Variants in ARHGEF38 observed in about 807,000 individuals in gnomAD.
The protein encoded by ARHGEF38 is Rho guanine nucleotide exchange factor 38, also known as Rho guanine nucleotide exchange factor (GEF) 38.
In ARHGEF38, 79 loss-of-function variants were observed where a neutral mutation model predicts 79.9. That is an observed-to-expected ratio of 0.99 (90% confidence interval 0.82 to 1.19). The LOEUF (loss-of-function observed/expected upper bound fraction) is 1.19. Among genes scored for constraint, ARHGEF38 ranks in the 50% most tolerant of loss-of-function variants. The pLI is 0.00. For missense variants in ARHGEF38, 962 were observed against 907.2 expected (o/e 1.06, Z -0.78); for synonymous variants, 366 against 328.3 (o/e 1.11, Z -1.24).
At chr4:105,590,074 A>AAG (rs1727255275) in intron 2 of ARHGEF38, among the ~76,000 whole-genome samples, 13 of 109,488 alleles carry the variant, frequency 1.2e-4, no homozygotes, top group Admixed American at 4.2e-4. Context: ...AAAGAAAGAA[A>AAG]GAAGGAAGGA....
At chr4:105,667,801 A>G (rs771029931) in intron 13 of ARHGEF38, 98 bp downstream of exon 13, 57 of 1,395,848 alleles carry the variant, frequency 4.1e-5, no homozygotes, top group Non-Finnish European at 5.4e-5. Flanking sequence ...GAAAAGTGCC[A>G]GCTTTGACAT....
intron 2 of ARHGEF38, among the ~76,000 whole-genome samples, chr4:105,597,013 C>T (rs957144543): frequency 1.3e-5 from 2 of 152,172 alleles, no homozygotes; most frequent in African/African-American, 2.4e-5. Flanking sequence ...TCTGAATACT[C>T]TCACCACCCT....
chr4:105,649,226 A>G (rs1729988976), intron 7 of ARHGEF38, among the ~76,000 whole-genome samples: 2 of 152,166 alleles, frequency 1.3e-5, no homozygotes, highest in African/African-American at 4.8e-5. Flanking sequence ...ATTAGTGAGT[A>G]ACAGTCCTGT....
intron 1 of ARHGEF38, among the ~76,000 whole-genome samples, chr4:105,555,859 C>G (rs1408624390): frequency 1.3e-5 from 2 of 152,148 alleles, no homozygotes; most frequent in Non-Finnish European, 2.9e-5. Flanking sequence ...CCTAGTCTAT[C>G]TGTTCAATTC....
At chr4:105,655,046 G>A (rs1483517243) in intron 8 of ARHGEF38, among the ~76,000 whole-genome samples, 2 of 151,998 alleles carry the variant, frequency 1.3e-5, no homozygotes, top group Admixed American at 6.6e-5. Flanking sequence ...TTTACAATCC[G>A]GTTTGCTATT....
At chr4:105,582,038 G>A (rs575482220) in intron 1 of ARHGEF38, among the ~76,000 whole-genome samples, 172 of 151,758 alleles carry the variant, frequency 1.1e-3, no homozygotes, top group African/African-American at 3.5e-3. Flanking sequence ...GGTGGCGGGC[G>A]CCTGTAATCC....
At chr4:105,605,342 G>A (rs572880105) in intron 2 of ARHGEF38, among the ~76,000 whole-genome samples, 9 of 151,854 alleles carry the variant, frequency 5.9e-5, no homozygotes, top group African/African-American at 1.9e-4. Context: ...GGGACTTCTC[G>A]AGTTTGAACC....
At chr4:105,599,647 A>T (rs561110612) in intron 2 of ARHGEF38, among the ~76,000 whole-genome samples, 1 of 152,306 alleles carries the variant, frequency 6.6e-6, no homozygotes, top group East Asian at 1.9e-4. Context: ...ATGTTGAGAC[A>T]GCTTTATTCA....
chr4:105,677,716 TC>T, intron 13 of ARHGEF38, 35 bp from the exon 14 acceptor site: 1 of 1,375,668 alleles, frequency 7.3e-7, no homozygotes, highest in Non-Finnish European at 9.5e-7. Context: ...ATATTCAGGT[TC>T]CAATTCCAAT....
At chr4:105,628,339 C>T (rs1578326063) in intron 3 of ARHGEF38, among the ~76,000 whole-genome samples, 1 of 152,140 alleles carries the variant, frequency 6.6e-6, no homozygotes, top group East Asian at 1.9e-4. Flanking sequence ...TGCTGCTGAG[C>T]GTCCAGCTAA....
intron 2 of ARHGEF38, among the ~76,000 whole-genome samples, chr4:105,606,713 A>G (rs1278394635): frequency 6.6e-6 from 1 of 152,084 alleles, no homozygotes; most frequent in African/African-American, 2.4e-5. Flanking sequence ...CAATTGAGGA[A>G]AATTACTGAC....
chr4:105,580,695 GTTTTTTTGTTTGTGTC>G (rs948981070), intron 1 of ARHGEF38, among the ~76,000 whole-genome samples: 15 of 152,184 alleles, frequency 9.9e-5, no homozygotes, highest in African/African-American at 3.6e-4. Context: ...GTATATTCTG[GTTTTTTTGTTTGTGTC>G]TTTGTTTGTT....
At chr4:105,623,127 C>A (rs1370715086) in intron 3 of ARHGEF38, among the ~76,000 whole-genome samples, 19 of 152,178 alleles carry the variant, frequency 1.2e-4, no homozygotes, top group Admixed American at 7.2e-4. Flanking sequence ...ATGTACGCTC[C>A]ATGAGGGAAG....
intron 2 of ARHGEF38, among the ~76,000 whole-genome samples, chr4:105,610,662 A>T (rs866169325): frequency 3.2e-4 from 49 of 152,068 alleles, no homozygotes; most frequent in African/African-American, 9.2e-4. Flanking sequence ...GATTCACAGA[A>T]TCCCCATGGG....
chr4:105,671,107 A>G (rs900569963), intron 13 of ARHGEF38, among the ~76,000 whole-genome samples: 6 of 152,204 alleles, frequency 3.9e-5, no homozygotes, highest in African/African-American at 1.4e-4. Flanking sequence ...ATCTTCATAA[A>G]TTGTTATTTG....
At chr4:105,572,352 G>A (rs74669085) in intron 1 of ARHGEF38, among the ~76,000 whole-genome samples, 2,588 of 151,966 alleles carry the variant, frequency 0.017, 36 homozygotes, top group Non-Finnish European at 0.027. Flanking sequence ...GTCTCATTAG[G>A]TTCATTTTCC....
chr4:105,566,215 T>C (rs1413578664), intron 1 of ARHGEF38, among the ~76,000 whole-genome samples: 1 of 152,232 alleles, frequency 6.6e-6, no homozygotes, highest in Admixed American at 6.5e-5. Context: ...TAAGTTGTTT[T>C]CGCATCTTTT....
intron 3 of ARHGEF38, among the ~76,000 whole-genome samples, chr4:105,619,624 G>T (rs1728658421): frequency 6.6e-6 from 1 of 152,108 alleles, no homozygotes; most frequent in Non-Finnish European, 1.5e-5. Flanking sequence ...GCACTTGAAA[G>T]ATTTAGAAAA....
Position 105,589,248 on chromosome 4 carries a change from A to G in ARHGEF38, c.197A>G (p.Glu66Gly). 1 of 1,605,408 alleles carries G rather than the reference A, an allele frequency of 6.2e-7. No individual in the cohort carries two copies. Among genetic ancestry groups the G allele is most frequent in the Non-Finnish European group, 8.5e-7 (1 of 1,177,710 alleles). Reference sequence around the variant, plus strand: ...ACCTGTATATGTTTTCATTTAACAGAAAAGATGACTCCACAGGGTGAGTGT... The same window carrying G: ...ACCTGTATATGTTTTCATTTAACAGGAAAGATGACTCCACAGGGTGAGTGT... ...DRTEYNQKLQ[E>G]KMTPQGECSV... The change falls in exon 2 of 14, where the codon GAA (glutamate) becomes GGA (glycine). Residue 66 changes from glutamate (E) to glycine (G), a missense_variant and splice_region_variant. By Grantham distance (98) the Glu-to-Gly change is moderately conservative. Coordinates refer to ENST00000420470, the MANE Select transcript of ARHGEF38 (RefSeq NM_001242729.2).
Sources: gnomAD v4.1 joint callset for allele counts (sites outside exome capture counted in the v4.1 genomes callset) on GRCh38, gnomAD v4.1.1 for gene constraint, MANE v1.5 for transcripts, NCBI Gene and HGNC (gene_info 2026-07-23, HGNC 2026-07-21) for gene names.